Variants in STAU2 observed in about 807,000 individuals in gnomAD.
The protein encoded by STAU2 is double-stranded RNA-binding protein Staufen homolog 2.
A neutral mutation model predicts 65.9 loss-of-function variants in STAU2; 20 were observed. That is an observed-to-expected ratio of 0.30 (90% CI 0.21 to 0.44). The LOEUF is 0.44. Ranked by LOEUF, STAU2 falls within the 20% of genes least tolerant of loss-of-function variation. The probability of loss-of-function intolerance (pLI) is 1.00; values close to 1 mark genes in which losing one functional copy is unlikely to be tolerated. For missense variants in STAU2, 558 were observed against 683.9 expected (o/e 0.82, Z 2.05); for synonymous variants, 232 against 233.9 (o/e 0.99, Z 0.07).
At chr8:73,517,933 T>G (rs1674673857) in intron 13 of STAU2, among the ~76,000 whole-genome samples, 1 of 152,204 alleles carries the variant, frequency 6.6e-6, no homozygotes, top group South Asian at 2.1e-4. Context: ...ATATTCAATC[T>G]TCCCACTAGC....
chr8:73,652,109 C>T (rs1415719148), intron 6 of STAU2: 1 of 151,748 alleles, frequency 6.6e-6, no homozygotes, highest in Non-Finnish European at 1.5e-5. Flanking sequence ...AACTGGTTTT[C>T]CAGTTGGAAA....
At chr8:73,445,785 T>C (rs770570847) in intron 13 of STAU2, among the ~76,000 whole-genome samples, 1 of 152,196 alleles carries the variant, frequency 6.6e-6, no homozygotes, top group Non-Finnish European at 1.5e-5. Flanking sequence ...GACCATATTA[T>C]ACACCTGTTA....
At chr8:73,529,686 C>A (rs916952831) in intron 13 of STAU2, among the ~76,000 whole-genome samples, 10 of 152,158 alleles carry the variant, frequency 6.6e-5, no homozygotes, top group Non-Finnish European at 8.8e-5. Context: ...GTGAAGCCTG[C>A]AAGTACTAAT....
intron 11 of STAU2, among the ~76,000 whole-genome samples, chr8:73,587,031 A>T (rs111582612): frequency 0.013 from 2,005 of 152,292 alleles, 35 homozygotes; most frequent in African/African-American, 0.044. Context: ...TCAAATACAC[A>T]TATAAAATAC....
intron 6 of STAU2, among the ~76,000 whole-genome samples, chr8:73,628,225 C>T (rs1266968386): frequency 6.6e-6 from 1 of 150,634 alleles, no homozygotes; most frequent in Admixed American, 6.6e-5. Context: ...AAGCATGTGC[C>T]ATCATGCCTG....
At chr8:73,562,555 C>A (rs1808309864) in intron 12 of STAU2, among the ~76,000 whole-genome samples, 1 of 152,152 alleles carries the variant, frequency 6.6e-6, no homozygotes, top group Admixed American at 6.5e-5. Flanking sequence ...AAAAATAATG[C>A]ACTTGGCTAT....
At chr8:73,561,026 A>C (rs1386115330) in intron 12 of STAU2, among the ~76,000 whole-genome samples, 2 of 152,190 alleles carry the variant, frequency 1.3e-5, no homozygotes, top group East Asian at 3.9e-4. Flanking sequence ...AAATGCAGTA[A>C]CTTATACTTT....
chr8:73,690,479 C>T (rs1819255850), intron 4 of STAU2, among the ~76,000 whole-genome samples: 1 of 151,956 alleles, frequency 6.6e-6, no homozygotes, highest in South Asian at 2.1e-4. Context: ...ATGAACTATA[C>T]ATTAAGTAAT....
At chr8:73,509,017 C>G (rs768260497) in intron 13 of STAU2, among the ~76,000 whole-genome samples, 1 of 152,096 alleles carries the variant, frequency 6.6e-6, no homozygotes, top group African/African-American at 2.4e-5. Context: ...GTAGATACTT[C>G]GAGTGAAATT....
chr8:73,556,851 T>C (rs74853828), intron 12 of STAU2, among the ~76,000 whole-genome samples: 2,100 of 152,270 alleles, frequency 0.014, 36 homozygotes, highest in African/African-American at 0.047. Flanking sequence ...ATGAGAAATC[T>C]TTTGGTGAGA....
intron 6 of STAU2, among the ~76,000 whole-genome samples, chr8:73,630,237 C>T (rs1185022190): frequency 6.6e-6 from 1 of 152,226 alleles, no homozygotes; most frequent in Admixed American, 6.5e-5. Flanking sequence ...GCTGCAGATA[C>T]GCAAGGTATG....
At chr8:73,491,246 A>G (rs1173295200) in intron 13 of STAU2, among the ~76,000 whole-genome samples, 1 of 152,018 alleles carries the variant, frequency 6.6e-6, no homozygotes, top group Non-Finnish European at 1.5e-5. Context: ...GACATGGAGA[A>G]CCCCAGAGGA....
intron 9 of STAU2, 123 bp from the exon 10 acceptor site, chr8:73,603,986 T>A (rs565193916): frequency 4.7e-6 from 5 of 1,064,812 alleles, no homozygotes; most frequent in Admixed American, 3.1e-5. Context: ...AAAAGATAAA[T>A]GAGTCATTTA....
intron 13 of STAU2, among the ~76,000 whole-genome samples, chr8:73,526,666 TG>T (rs1434784853): frequency 6.6e-6 from 1 of 152,204 alleles, no homozygotes; most frequent in Non-Finnish European, 1.5e-5. Context: ...ACAGAAAACA[TG>T]TATGTCTACT....
At chr8:73,643,851 T>C (rs1317680894) in intron 6 of STAU2, among the ~76,000 whole-genome samples, 1 of 152,186 alleles carries the variant, frequency 6.6e-6, no homozygotes, top group Non-Finnish European at 1.5e-5. Context: ...CTTAGTTACA[T>C]GGAAACTCAT....
At chr8:73,688,566 C>T in intron 5 of STAU2, 88 bp downstream of exon 5, 1 of 1,408,604 alleles carries the variant, frequency 7.1e-7, no homozygotes, top group Non-Finnish European at 9.9e-7. Context: ...AATACTTGCT[C>T]ACTCTGTTAC....
intron 13 of STAU2, among the ~76,000 whole-genome samples, chr8:73,426,601 C>A (rs1039824085): frequency 6.6e-6 from 1 of 152,166 alleles, no homozygotes; most frequent in Non-Finnish European, 1.5e-5. Context: ...ACTTCACATT[C>A]GCCCAGTTTC....
intron 12 of STAU2, among the ~76,000 whole-genome samples, chr8:73,553,092 T>G (rs1807454148): frequency 6.6e-6 from 1 of 152,208 alleles, no homozygotes; most frequent in Admixed American, 6.5e-5. Flanking sequence ...GGGGGCTATG[T>G]CATTAGTTGA....
chr8:73,520,818 C>A (rs1822999753), intron 13 of STAU2, among the ~76,000 whole-genome samples: 1 of 152,182 alleles, frequency 6.6e-6, no homozygotes, highest in South Asian at 2.1e-4. Context: ...TTGCTGACAT[C>A]ATTGAGCTGC....
Sources: gnomAD v4.1 joint callset for allele counts (sites outside exome capture counted in the v4.1 genomes callset) on GRCh38, gnomAD v4.1.1 for gene constraint, MANE v1.5 for transcripts, NCBI Gene and HGNC (gene_info 2026-07-23, HGNC 2026-07-21) for gene names.